DAPK1: variants seen among roughly 807,000 people sequenced by gnomAD.
DAPK1 encodes death-associated protein kinase 1.
In DAPK1, 56 loss-of-function variants were observed where a neutral mutation model predicts 144.9. The observed-to-expected ratio is 0.39, with a 90% CI of 0.31 to 0.48. The LOEUF (loss-of-function observed/expected upper bound fraction) is 0.48. Ranked by LOEUF, DAPK1 falls within the 20% of genes least tolerant of loss-of-function variation. The pLI is 0.95. For missense variants in DAPK1, 1,454 were observed against 1,875.4 expected (o/e 0.78, Z 4.15); for synonymous variants, 690 against 749.0 (o/e 0.92, Z 1.29).
At chr9:87,663,180 T>G (rs1329721387) in intron 18 of DAPK1, among the ~76,000 whole-genome samples, 3 of 152,106 alleles carry the variant, frequency 2.0e-5, no homozygotes, top group African/African-American at 7.2e-5. Flanking sequence ...CACCCTCCAC[T>G]GTCTTGCCTT....
chr9:87,548,913 C>CTTTCT (rs1826363943), intron 2 of DAPK1, among the ~76,000 whole-genome samples: 1 of 63,846 alleles, frequency 1.6e-5, no homozygotes, highest in East Asian at 8.5e-4. Context: ...GATTTCATTC[C>CTTTCT]TTTTTTTTTT....
chr9:87,639,497 C>A lies in DAPK1; in HGVS notation c.553+14C>A. On this transcript the variant is annotated intron_variant, in intron 5 of 25. Coordinates refer to ENST00000408954, the MANE Select transcript of DAPK1 (RefSeq NM_004938.4). ...CAGAGTTTGTCGGTAAGTTTCTTTG[C>A]TCCTGTGGTCATTTACGTCTCATAA... 6.2e-7 allele frequency: 1 copy of A among 1,610,448 alleles called. No homozygotes were observed. The highest frequency in any genetic ancestry group is 8.5e-7 in the Non-Finnish European group (1 of 1,179,006).
rs201644916 is a variant in DAPK1 at position 87,637,943 on chromosome 9, C to T, written c.285C>T (p.Leu95=). The T allele has an allele frequency of 4.9e-5, 79 of 1,613,214 alleles. No homozygotes were observed. The highest frequency in any genetic ancestry group is 3.3e-4 in the Middle Eastern group (2 of 6,080). ...ATAACCTCTGCTTCCGGGTTCTCAGCGTTGCAGGTGGCGAGCTGTTTGACT... is the reference window on the plus strand; with the variant it reads ...ATAACCTCTGCTTCCGGGTTCTCAGTGTTGCAGGTGGCGAGCTGTTTGACT... ...NKTDVILILE[L]VAGGELFDFL... The change falls in exon 4 of 26, where the codon CTC becomes CTT. Residue 95 remains leucine, a splice_region_variant and synonymous_variant. Transcript: ENST00000408954.
intron 18 of DAPK1, among the ~76,000 whole-genome samples, chr9:87,666,068 C>T (rs1402647700): frequency 6.6e-6 from 1 of 152,162 alleles, no homozygotes. Flanking sequence ...GACTTCTGCC[C>T]CTTTCCCTCT....
chr9:87,661,719 T>G (rs1830853420), intron 18 of DAPK1, among the ~76,000 whole-genome samples: 1 of 152,238 alleles, frequency 6.6e-6, no homozygotes, highest in African/African-American at 2.4e-5. Context: ...TGGTACATTC[T>G]GGATGTTAGT....
At chr9:87,705,759 G>A in intron 25 of DAPK1, among the ~76,000 whole-genome samples, 1 of 152,108 alleles carries the variant, frequency 6.6e-6, no homozygotes, top group East Asian at 1.9e-4. Flanking sequence ...ACAAGGGTTT[G>A]CCACTGGTCC....
intron 2 of DAPK1, among the ~76,000 whole-genome samples, chr9:87,509,425 A>T (rs1354008944): frequency 6.6e-6 from 1 of 151,994 alleles, no homozygotes; most frequent in Non-Finnish European, 1.5e-5. Flanking sequence ...GCAATGGCGC[A>T]ATCTCAGCTC....
chr9:87,552,413 T>C (rs1442107278), intron 2 of DAPK1, among the ~76,000 whole-genome samples: 2 of 142,280 alleles, frequency 1.4e-5, no homozygotes, highest in African/African-American at 5.1e-5. Context: ...GGCACCACTT[T>C]CTGGAAAATA....
At chr9:87,518,101 TG>T (rs1563970320) in intron 2 of DAPK1, among the ~76,000 whole-genome samples, 154 of 29,298 alleles carry the variant, frequency 5.3e-3, no homozygotes, top group African/African-American at 0.011. Flanking sequence ...CCGTTTATGT[TG>T]TTGTTTTTTT....
intron 2 of DAPK1, among the ~76,000 whole-genome samples, chr9:87,597,128 G>A (rs140813457): frequency 2.0e-5 from 3 of 152,296 alleles, no homozygotes; most frequent in Admixed American, 6.5e-5. Context: ...GAACTCAAGC[G>A]GAAGTTCCAG....
chr9:87,534,650 C>CTT (rs546312068), intron 2 of DAPK1, among the ~76,000 whole-genome samples: 42,674 of 145,284 alleles, frequency 0.29, 6,499 homozygotes, highest in Middle Eastern at 0.42. Context: ...GATTTCTTTT[C>CTT]TTTTTTTTTT....
chr9:87,564,192 C>T (rs1330249692), intron 2 of DAPK1, among the ~76,000 whole-genome samples: 1 of 152,150 alleles, frequency 6.6e-6, no homozygotes, highest in Non-Finnish European at 1.5e-5. Flanking sequence ...GGAAAAGAGT[C>T]TATTTTCTCT....
At chr9:87,673,877 G>A (rs866118100) in intron 19 of DAPK1, among the ~76,000 whole-genome samples, 1 of 152,094 alleles carries the variant, frequency 6.6e-6, no homozygotes, top group Middle Eastern at 3.2e-3. Context: ...GCCCGCGCTT[G>A]GCTGTAGGTA....
At chr9:87,564,641 AGG>A (rs985880490) in intron 2 of DAPK1, among the ~76,000 whole-genome samples, 4 of 151,226 alleles carry the variant, frequency 2.6e-5, no homozygotes, top group Admixed American at 6.6e-5. Flanking sequence ...GGAGGGAGGA[AGG>A]GAGAGAGAGA....
chr9:87,576,619 G>A lies in DAPK1; in HGVS notation c.63-28335G>A, dbSNP rs185439029. Among the ~76,000 whole-genome samples the A allele has an allele frequency of 5.7e-3, 865 of 152,170 alleles. 10 individuals carry two copies. The highest frequency in any genetic ancestry group is 0.02 in the African/African-American group (835 of 41,520). On this transcript the variant is annotated intron_variant, in intron 2 of 25. Coordinates refer to ENST00000408954, the MANE Select transcript of DAPK1 (RefSeq NM_004938.4). The stretch of plus-strand genomic sequence containing the variant: ...ATTTCCCAGGCTGGAGTGCAATGGC[G>A]CTATCTCGGCTCACTGCAACCTCCG...
At chr9:87,552,421 A>C (rs1159889379) in intron 2 of DAPK1, among the ~76,000 whole-genome samples, 1 of 152,142 alleles carries the variant, frequency 6.6e-6, no homozygotes, top group Non-Finnish European at 1.5e-5. Flanking sequence ...TTTCTGGAAA[A>C]TATGGAAGAA....
At chr9:87,676,401 C>T (rs749269720) in intron 19 of DAPK1, among the ~76,000 whole-genome samples, 4 of 152,316 alleles carry the variant, frequency 2.6e-5, no homozygotes, top group South Asian at 4.1e-4. Context: ...CGCCACAACC[C>T]GTCCCTACCC....
At chr9:87,588,283 T>A (rs1828004837) in intron 2 of DAPK1, among the ~76,000 whole-genome samples, 1 of 152,230 alleles carries the variant, frequency 6.6e-6, no homozygotes, top group South Asian at 2.1e-4. Flanking sequence ...CCATTCCCTA[T>A]TAGAAACTGA....
intron 2 of DAPK1, among the ~76,000 whole-genome samples, chr9:87,512,619 C>T (rs576114497): frequency 6.6e-6 from 1 of 152,242 alleles, no homozygotes; most frequent in South Asian, 2.1e-4. Flanking sequence ...CCAGTTTGTT[C>T]AAGAAACATG....
Sources: gnomAD v4.1 joint callset for allele counts (sites outside exome capture counted in the v4.1 genomes callset) on GRCh38, gnomAD v4.1.1 for gene constraint, MANE v1.5 for transcripts, NCBI Gene and HGNC (gene_info 2026-07-23, HGNC 2026-07-21) for gene names.